PDK2: variants seen among roughly 807,000 people sequenced by gnomAD.
PDK2 encodes the protein pyruvate dehydrogenase kinase, isozyme 2.
A neutral mutation model predicts 50.4 loss-of-function variants in PDK2; 34 were observed. The ratio of observed to expected loss-of-function variants is 0.68; its 90% CI spans 0.51 to 0.90. The LOEUF (loss-of-function observed/expected upper bound fraction) is 0.90, where lower values mean the gene tolerates loss of function less well. PDK2 is among the 40% of genes least tolerant of loss of function. The pLI is 0.00. For missense variants in PDK2, 377 were observed against 544.5 expected, an observed-to-expected ratio of 0.69 and a Z score of 3.06; for synonymous variants, 232 against 216.0, an observed-to-expected ratio of 1.07 and a Z score of -0.65.
chr17:50,106,930 C>A (rs1465067086), intron 5 of PDK2, 47 bp downstream of exon 5: 2 of 1,550,764 alleles, frequency 1.3e-6, no homozygotes, highest in East Asian at 2.2e-5. Flanking sequence ...CCCCGGGGAC[C>A]CCTCCAAGCT....
intron 2 of PDK2, among the ~76,000 whole-genome samples, chr17:50,102,334 C>T (rs946839159): frequency 3.3e-5 from 5 of 152,238 alleles, no homozygotes; most frequent in African/African-American, 1.2e-4. Flanking sequence ...CTTCAGTGGC[C>T]ACGTGACCAG....
intron 2 of PDK2, among the ~76,000 whole-genome samples, chr17:50,102,241 C>G (rs1273166995): frequency 6.6e-6 from 1 of 152,212 alleles, no homozygotes; most frequent in African/African-American, 2.4e-5. Context: ...GCCTGGGCCC[C>G]TTGCCCTGGA....
At chr17:50,106,196 T>C (rs1239442749) in intron 4 of PDK2, 127 bp downstream of exon 4, 1 of 1,495,988 alleles carries the variant, frequency 6.7e-7, no homozygotes, top group Non-Finnish European at 8.9e-7. Flanking sequence ...GAATAGTTAC[T>C]CCAGTAACTA....
Position 50,109,156 on chromosome 17 carries a change from T to A in PDK2, c.970-131T>A. The stretch of plus-strand genomic sequence containing the variant: ...TTACCTCAGTGTCCCCTCCCACATG[T>A]CCCCTCCCAGCTCTGGGACCCCTGC... On this transcript the variant is annotated intron_variant, in intron 9 of 10. Coordinates refer to ENST00000503176, the MANE Select transcript of PDK2 (RefSeq NM_002611.5). The surrounding 1 kb of genome is among the most constrained non-coding windows in gnomAD (Gnocchi z 5.0). 1 of 605,096 alleles carries A rather than the reference T, an allele frequency of 1.7e-6. No homozygotes were observed. Among genetic ancestry groups the A allele is most frequent in the Non-Finnish European group, 2.9e-6 (1 of 340,420 alleles). The allele number at this position is 605,096 out of a possible 1,614,324, so 37.5% of individuals were successfully genotyped here.
At position 50,106,840 on chromosome 17, in the gene PDK2, C is replaced by T. The variant is rs369544450; in HGVS notation, c.564C>T (p.Ile188=). 78 of 1,614,034 alleles carry T rather than the reference C, an allele frequency of 4.8e-5. No individual in the cohort carries two copies. The highest frequency in any genetic ancestry group is 6.1e-5 in the Non-Finnish European group (72 of 1,180,038). ...CCAACCCAGCCCATCCCAAACACAT[C>T]GGCAGCATCGACCCCAACTGCAACG... ...GSTNPAHPKH[I]GSIDPNCNVS... Residue 188 remains isoleucine, a synonymous_variant, in exon 5 of 11, where the codon ATC becomes ATT. Transcript: ENST00000503176.
intron 4 of PDK2, chr17:50,106,489 G>A (rs897259901): frequency 2.0e-6 from 1 of 491,680 alleles, no homozygotes; most frequent in East Asian, 3.5e-5. Flanking sequence ...AAGGTGGTAA[G>A]AGTTCTCTTA....
chr17:50,102,683 A>T (rs774672862), intron 2 of PDK2, among the ~76,000 whole-genome samples: 6 of 152,224 alleles, frequency 3.9e-5, no homozygotes, highest in Admixed American at 6.5e-5. Flanking sequence ...ATTCGGAGCC[A>T]CATAGGCCTG....
At position 50,106,852 on chromosome 17, in the gene PDK2, C is replaced by A. The variant is rs1264969257; in HGVS notation, c.576C>A (p.Asp192Glu). The A allele has an allele frequency of 6.2e-7, 1 of 1,614,128 alleles. No homozygotes were observed. The highest frequency in any genetic ancestry group is 8.5e-7 in the Non-Finnish European group (1 of 1,179,994). ...ATCCCAAACACATCGGCAGCATCGA[C>A]CCCAACTGCAACGTCTCTGAGGTGG... ...PAHPKHIGSI[D>E]PNCNVSEVVK... Residue 192 changes from aspartate to glutamate, a missense_variant, in exon 5 of 11, where the codon GAC becomes GAA. Transcript: ENST00000503176.
Position 50,101,852 on chromosome 17 carries a change from C to T in PDK2, c.261-3519C>T, listed in dbSNP as rs553033142. 1 of 152,342 alleles carries T rather than the reference C, an allele frequency of 6.6e-6. No individual in the cohort carries two copies. The highest frequency in any genetic ancestry group is 6.5e-5 in the Admixed American group (1 of 15,306). 9.4% of individuals were successfully genotyped at this position (152,342 alleles called of 1,614,324 possible). On this transcript the variant is annotated intron_variant, in intron 2 of 10. Coordinates refer to ENST00000503176, the MANE Select transcript of PDK2 (RefSeq NM_002611.5). The surrounding 1 kb of genome is among the most constrained non-coding windows in gnomAD (Gnocchi z 4.2). The stretch of plus-strand genomic sequence containing the variant: ...AGGGTTTGGGTGGATCTCCACATTA[C>T]CTTGGGCTGGGCTTGGGAGCTCCGG...
In PDK2 at chr17:50,108,181, C is replaced by T. The variant is rs1353635453; in HGVS notation, c.711C>T (p.His237=). The T allele has an allele frequency of 8.8e-6, 14 of 1,597,080 alleles. No individual in the cohort carries two copies. The highest frequency in any genetic ancestry group is 1.1e-5 in the Non-Finnish European group (13 of 1,170,474). Reference sequence around the variant, plus strand: ...CAGCCAACTCCAAACAGCCGATTCACATGGTCTACGTCCCCTCCCACCTCT... The same window carrying T: ...CAGCCAACTCCAAACAGCCGATTCATATGGTCTACGTCCCCTCCCACCTCT... ...INAANSKQPI[H]MVYVPSHLYH... is the part of the protein sequence containing the mutation. Residue 237 remains histidine (H), a synonymous_variant, in exon 7 of 11, where the codon CAC becomes CAT. Coordinates refer to ENST00000503176, the MANE Select transcript of PDK2 (RefSeq NM_002611.5).
rs1477728942 is a variant in PDK2, at chr17:50,110,955, C to T, written c.*858C>T. ...TTAGTTTTATAACCCTGAATGCCCCCACCCTTCCCCTAAGCACACAGGGGT... is the reference window on the plus strand; with the variant it reads ...TTAGTTTTATAACCCTGAATGCCCCTACCCTTCCCCTAAGCACACAGGGGT... On this transcript the variant is annotated 3_prime_UTR_variant, in exon 11 of 11. Transcript: ENST00000503176. 1 of 152,274 alleles carries T rather than the reference C, an allele frequency of 6.6e-6. No homozygotes were observed. Among genetic ancestry groups the T allele is most frequent in the Non-Finnish European group, 1.5e-5 (1 of 68,074 alleles). The allele number at this position is 152,274 out of a possible 1,614,324, so 9.4% of individuals were successfully genotyped here.
chr17:50,096,191 G>C (rs887292690), intron 1 of PDK2: 9 of 985,428 alleles, frequency 9.1e-6, no homozygotes, highest in Non-Finnish European at 1.1e-5. Flanking sequence ...AATCTGTTCC[G>C]GCCTGGCAGC....
At chr17:50,096,663 A>G (rs1002586396) in intron 1 of PDK2, among the ~76,000 whole-genome samples, 3 of 152,156 alleles carry the variant, frequency 2.0e-5, no homozygotes, top group African/African-American at 7.2e-5. Flanking sequence ...CTAATTACAG[A>G]AACATCACAG....
At position 50,111,889 on chromosome 17, in the gene PDK2, C is replaced by G. The variant is rs1480907164; in HGVS notation, c.*1792C>G. 6.6e-6 allele frequency: 1 copy of G among 152,142 alleles called. No homozygotes were observed. The highest frequency in any genetic ancestry group is 1.9e-4 in the East Asian group (1 of 5,202). 9.4% of individuals were successfully genotyped at this position (152,142 alleles called of 1,614,324 possible). On this transcript the variant is annotated 3_prime_UTR_variant, in exon 11 of 11. Transcript: ENST00000503176. ...CCTGCCAGTTCTGAGCCCACTGATT[C>G]CCTGACAATGCCTGGGGCAGATGGG...
At position 50,096,380 on chromosome 17, in the gene PDK2, CCTGT is replaced by C. The variant is rs3837843; in HGVS notation, c.118+834_118+837del. On this transcript the variant is annotated intron_variant, in intron 1 of 10. Transcript: ENST00000503176. ...CAGCTGAAATGGGCATTGTGTGGGC[CCTGT>C]CTGTCTATGTGGTATTTCCATGGTG... The C allele has an allele frequency of 7.1e-4, 570 of 799,388 alleles. 2 individuals carry two copies. In the African/African-American group the frequency reaches 7.6e-3, roughly 11 times the overall value. The allele number at this position is 799,388 out of a possible 1,614,324, so 49.5% of individuals were successfully genotyped here.
rs1910219299 is a variant in PDK2, at chr17:50,101,361, T to TCCCATGA, written c.260+3798_260+3804dup. Among the ~76,000 whole-genome samples, 1 of 152,092 alleles carries TCCCATGA rather than the reference T, an allele frequency of 6.6e-6. No individual in the cohort carries two copies. The highest frequency in any genetic ancestry group is 2.1e-4 in the South Asian group (1 of 4,826). The stretch of plus-strand genomic sequence containing the variant: ...ACACCCAGGCCCATGAGGTGCTTAC[T>TCCCATGA]CCCATGAACCCCATTTTGCAAATGG... On this transcript the variant is annotated intron_variant, in intron 2 of 10. Coordinates refer to ENST00000503176, the MANE Select transcript of PDK2 (RefSeq NM_002611.5). This position sits in a 1 kb window ranked among gnomAD's most constrained non-coding sequence, Gnocchi z 4.2.
chr17:50,103,439 A>G (rs1910336553), intron 2 of PDK2, among the ~76,000 whole-genome samples: 1 of 152,212 alleles, frequency 6.6e-6, no homozygotes, highest in Admixed American at 6.5e-5. Flanking sequence ...AGCTGTTGAC[A>G]GTGTTTGAGC....
Position 50,105,894 on chromosome 17 carries a change from C to T in PDK2, c.342C>T (p.Asp114=), listed in dbSNP as rs565304713. ...EDHRTLSQFT[D]ALVTIRNRHN... Reference sequence around the variant, plus strand: ...CTGCCCTGCCCCACAGGTTCACTGACGCCCTGGTCACCATCCGGAACCGGC... The same window carrying T: ...CTGCCCTGCCCCACAGGTTCACTGATGCCCTGGTCACCATCCGGAACCGGC... The change falls in exon 4 of 11, where the codon GAC becomes GAT. Residue 114 remains aspartate, a synonymous_variant. Coordinates refer to ENST00000503176, the MANE Select transcript of PDK2 (RefSeq NM_002611.5). 5.6e-5 allele frequency: 90 copies of T among 1,613,258 alleles called. No homozygotes were observed. The highest frequency in any genetic ancestry group is 3.3e-4 in the Middle Eastern group (2 of 6,056).
At chr17:50,105,163 T>C (rs1452648303) in intron 2 of PDK2, 4 of 471,544 alleles carry the variant, frequency 8.5e-6, no homozygotes, top group Admixed American at 3.9e-5. Flanking sequence ...ACCAGCAAAT[T>C]TGAAGTTTTC....
Sources: allele counts gnomAD v4.1 joint callset (sites outside exome capture counted in the v4.1 genomes callset), GRCh38; gene constraint gnomAD v4.1.1; non-coding constraint Gnocchi (gnomAD v3.1); transcripts MANE v1.5; gene names NCBI Gene and HGNC (gene_info 2026-07-23, HGNC 2026-07-21).